ALDH4A1: variants seen among roughly 807,000 people sequenced by gnomAD.
ALDH4A1 encodes aldehyde dehydrogenase 4 family member A1, also known as delta-1-pyrroline-5-carboxylate dehydrogenase, mitochondrial.
In ALDH4A1, 46 loss-of-function variants were observed where a neutral mutation model predicts 70.5. The observed-to-expected ratio is 0.65, with a 90% CI of 0.51 to 0.83. The LOEUF is 0.83. ALDH4A1 is among the 40% of genes least tolerant of loss of function. The probability of loss-of-function intolerance (pLI) is 0.00; values close to 1 mark genes in which losing one functional copy is unlikely to be tolerated. For synonymous variants in ALDH4A1, 323 were observed against 324.3 expected, an observed-to-expected ratio of 1.00 and a Z score of 0.04; for missense variants, 749 against 766.5, an observed-to-expected ratio of 0.98 and a Z score of 0.27.
chr1:18,875,927 T>C (rs1296980107), intron 12 of ALDH4A1, among the ~76,000 whole-genome samples: 1 of 152,184 alleles, frequency 6.6e-6, no homozygotes, highest in Non-Finnish European at 1.5e-5. Context: ...ACTACCAACT[T>C]GGGCAAGTGC....
chr1:18,887,800 C>T (rs1935276584), intron 3 of ALDH4A1, among the ~76,000 whole-genome samples: 1 of 152,202 alleles, frequency 6.6e-6, no homozygotes, highest in African/African-American at 2.4e-5. Context: ...TGGGCCCTGG[C>T]ATTAAGCTGG....
At position 18,886,495 on chromosome 1, in the gene ALDH4A1, T is replaced by C; in HGVS notation, c.266A>G (p.His89Arg). The change falls in exon 4 of 15, where the codon CAT becomes CGT. Residue 89 changes from histidine to arginine, a missense_variant. Transcript: ENST00000375341. The stretch of plus-strand genomic sequence containing the variant: ...TGCATAACAGAACTTGGCCACCTTA[T>C]GTCCATGGTTAAAAGGCTGAAAGGA... Reference protein sequence around the residue: ...QYQVSPFNHGHKVAKFCYADK... With the variant: ...QYQVSPFNHGRKVAKFCYADK... The C allele has an allele frequency of 1.2e-6, 2 of 1,614,156 alleles. No individual in the cohort carries two copies. Among genetic ancestry groups the C allele is most frequent in the African/African-American group, 1.3e-5 (1 of 75,052 alleles).
At chr1:18,895,575 C>A (rs1381424468) in intron 1 of ALDH4A1, among the ~76,000 whole-genome samples, 2 of 152,176 alleles carry the variant, frequency 1.3e-5, no homozygotes, top group East Asian at 1.9e-4. Context: ...AAAGGACATG[C>A]ACCATTTCAC....
chr1:18,883,578 G>C, intron 5 of ALDH4A1, 150 bp from the exon 6 acceptor site: 1 of 1,122,328 alleles, frequency 8.9e-7, no homozygotes, highest in South Asian at 1.4e-5. Context: ...CCCATCCCAG[G>C]GGCTGAGGGG....
At chr1:18,885,427 T>TGCCACCCCCCCCCCCCCC in intron 5 of ALDH4A1, 46 bp downstream of exon 5, 2 of 650,922 alleles carry the variant, frequency 3.1e-6, no homozygotes, top group Admixed American at 2.3e-5. Flanking sequence ...CACACCTGAC[T>TGCCACCCCCCCCCCCCCC]CCCACCCCAC....
In ALDH4A1 at chr1:18,898,832, A is replaced by G. The variant is rs1035150028; in HGVS notation, c.62+3630T>C. Reference sequence around the variant, plus strand: ...AGGGCACAGGAGGCAGGCTGCTCCCAGGGGTGCCACTGCCAAGCACTGCCT... The same window carrying G: ...AGGGCACAGGAGGCAGGCTGCTCCCGGGGGTGCCACTGCCAAGCACTGCCT... On this transcript the variant is annotated intron_variant, in intron 1 of 14. Transcript: ENST00000375341. The surrounding 1 kb of genome is among the most constrained non-coding windows in gnomAD (Gnocchi z 4.3). Among the ~76,000 whole-genome samples, 9 of 152,232 alleles carry G rather than the reference A, an allele frequency of 5.9e-5. No individual in the cohort carries two copies. The highest frequency in any genetic ancestry group is 2.2e-4 in the African/African-American group (9 of 41,460).
In ALDH4A1 at chr1:18,877,550, C is replaced by T. The variant is rs759716094; in HGVS notation, c.1003G>A (p.Gly335Arg). Reference protein sequence around the residue: ...RSADVESVVSGTLRSAFEYGG... With the variant: ...RSADVESVVSRTLRSAFEYGG... ...TACTCGAAGGCTGAGCGGAGGGTCC[C>T]GCTCACCACGCTCTCCACGTCGGCC... Residue 335 changes from glycine to arginine, a missense_variant, in exon 10 of 15, where the codon GGG becomes AGG. Gly to Arg is a moderately radical substitution (Grantham distance 125, BLOSUM62 -2). Coordinates refer to ENST00000375341, the MANE Select transcript of ALDH4A1 (RefSeq NM_003748.4). The T allele has an allele frequency of 7.4e-6, 12 of 1,611,994 alleles. No individual in the cohort carries two copies. The African/African-American group carries it at 9.4e-5, about 13-fold the overall frequency.
At chr1:18,873,240 A>G (rs1354405070) in intron 14 of ALDH4A1, among the ~76,000 whole-genome samples, 2 of 152,164 alleles carry the variant, frequency 1.3e-5, no homozygotes, top group Non-Finnish European at 2.9e-5. Context: ...TGGAGAGAAC[A>G]CTAGACTGAG....
intron 1 of ALDH4A1, 123 bp downstream of exon 1, chr1:18,902,339 G>A: frequency 1.2e-6 from 1 of 806,104 alleles, no homozygotes; most frequent in Non-Finnish European, 1.7e-6. Context: ...GGAACCCGGC[G>A]TTGACCGAGG....
At chr1:18,890,158 A>G (rs988633820) in intron 1 of ALDH4A1, 53 bp from the exon 2 acceptor site, 1 of 1,452,632 alleles carries the variant, frequency 6.9e-7, no homozygotes, top group Admixed American at 1.8e-5. Flanking sequence ...CGGCCCCACC[A>G]CCAGACCCCA....
rs1934975074 is a variant in ALDH4A1 at position 18,881,724 on chromosome 1, C to A, written c.842G>T (p.Gly281Val). The change falls in exon 8 of 15, where the codon GGC (glycine) becomes GTC (valine). Residue 281 changes from glycine (G) to valine (V), a missense_variant. Physicochemically the swap from Gly to Val is moderately radical, Grantham distance 109 (BLOSUM62 -3). Coordinates refer to ENST00000375341, the MANE Select transcript of ALDH4A1 (RefSeq NM_003748.4). ...DTVTSSEHLC[G>V]INFTGSVPTF... ...CGGCACACTGCCTGTGAAGTTGATG[C>A]CACAGAGGTGCTCTGAGCTGGTGAC... is the stretch of plus-strand genomic sequence containing the variant. 15 of 1,614,086 alleles carry A rather than the reference C, an allele frequency of 9.3e-6. No individual in the cohort carries two copies. Among genetic ancestry groups the A allele is most frequent in the Non-Finnish European group, 1.3e-5 (15 of 1,180,032 alleles).
intron 7 of ALDH4A1, 23 bp downstream of exon 7, chr1:18,883,101 T>A (rs374307483): frequency 6.8e-6 from 11 of 1,613,026 alleles, no homozygotes; most frequent in African/African-American, 4.0e-5. Flanking sequence ...GCTGCCGCTG[T>A]CCCACCTGTG....
intron 1 of ALDH4A1, among the ~76,000 whole-genome samples, chr1:18,894,865 C>CTTTTTTT (rs34445898): frequency 1.1e-3 from 120 of 109,806 alleles, no homozygotes; most frequent in Middle Eastern, 5.2e-3. Context: ...TTCTTTCTTT[C>CTTTTTTT]TTTTTTTTTT....
In ALDH4A1 at chr1:18,871,912, A is replaced by T. The variant is rs774495567; in HGVS notation, c.*933T>A. 4 of 152,372 alleles carry T rather than the reference A, an allele frequency of 2.6e-5. No homozygotes were observed. Among genetic ancestry groups the T allele is most frequent in the Non-Finnish European group, 5.9e-5 (4 of 68,132 alleles). The allele number at this position is 152,372 out of a possible 1,614,324, so 9.4% of individuals were successfully genotyped here. On this transcript the variant is annotated 3_prime_UTR_variant, in exon 15 of 15. Transcript: ENST00000375341. ...ATTCTACAGGCAACGTCCTCGGCCC[A>T]TGCTGACGAACCCAAGGCCAGGCCT... is the stretch of plus-strand genomic sequence containing the variant.
Position 18,889,975 on chromosome 1 carries a change from C to T in ALDH4A1, c.156+37G>A, listed in dbSNP as rs765160944. ...TGCTGGGGATGGCCTCTGCTCCATG[C>T]CCTGCACCTCTCGGGTGCCTCCCAC... is the stretch of plus-strand genomic sequence containing the variant. On this transcript the variant is annotated intron_variant, in intron 2 of 14. Coordinates refer to ENST00000375341, the MANE Select transcript of ALDH4A1 (RefSeq NM_003748.4). The T allele has an allele frequency of 4.6e-6, 7 of 1,525,184 alleles. No individual in the cohort carries two copies. The Admixed American group carries it at 1.3e-4, about 28-fold the overall frequency. The allele number at this position is 1,525,184 out of a possible 1,614,324, so 94.5% of individuals were successfully genotyped here.
intron 8 of ALDH4A1, among the ~76,000 whole-genome samples, chr1:18,879,970 G>C (rs992770311): frequency 1.3e-5 from 2 of 152,184 alleles, no homozygotes; most frequent in African/African-American, 4.8e-5. Context: ...AATCACCCGG[G>C]AGCCAGCGAC....
chr1:18,874,104 G>A, intron 14 of ALDH4A1, among the ~76,000 whole-genome samples: 1 of 152,208 alleles, frequency 6.6e-6, no homozygotes, highest in African/African-American at 2.4e-5. Context: ...CCACTCAGGA[G>A]CAGTCACCTT....
chr1:18,892,671 C>T (rs953421375), intron 1 of ALDH4A1, among the ~76,000 whole-genome samples: 9 of 151,478 alleles, frequency 5.9e-5, no homozygotes, highest in South Asian at 4.2e-4. Flanking sequence ...CCACTCCCCT[C>T]CCCTCCCCAC....
chr1:18,894,865 C>CTTTTTTTTTTTTTT (rs34445898), intron 1 of ALDH4A1, among the ~76,000 whole-genome samples: 9 of 109,964 alleles, frequency 8.2e-5, no homozygotes, highest in African/African-American at 2.1e-4. Flanking sequence ...TTCTTTCTTT[C>CTTTTTTTTTTTTTT]TTTTTTTTTT....
Sources: allele counts gnomAD v4.1 joint callset (sites outside exome capture counted in the v4.1 genomes callset), GRCh38; gene constraint gnomAD v4.1.1; non-coding constraint Gnocchi (gnomAD v3.1); transcripts MANE v1.5; gene names NCBI Gene and HGNC (gene_info 2026-07-23, HGNC 2026-07-21).